Variants in ATP6V1A observed in about 807,000 individuals in gnomAD.
ATP6V1A encodes the protein V-type proton ATPase catalytic subunit A.
In ATP6V1A, 18 loss-of-function variants were observed where a neutral mutation model predicts 70.1. The observed-to-expected ratio is 0.26, with a 90% CI of 0.18 to 0.38. The LOEUF is 0.38. ATP6V1A is among the 10% of genes least tolerant of loss of function. The probability of loss-of-function intolerance (pLI) is 1.00; values close to 1 mark genes in which losing one functional copy is unlikely to be tolerated. For synonymous variants in ATP6V1A, 232 were observed against 253.8 expected, an observed-to-expected ratio of 0.91 and a Z score of 0.82; for missense variants, 424 against 772.4, an observed-to-expected ratio of 0.55 and a Z score of 5.35.
intron 1 of ATP6V1A, among the ~76,000 whole-genome samples, chr3:113,758,639 G>A (rs1184181362): frequency 1.3e-5 from 2 of 152,168 alleles, no homozygotes; most frequent in African/African-American, 4.8e-5. Context: ...AAGGTCCTAT[G>A]AACATTCATG....
rs1045058018 is a variant in ATP6V1A at position 113,772,623 on chromosome 3, G to C, written c.-13-6118G>C. Among the ~76,000 whole-genome samples the C allele has an allele frequency of 4.6e-5, 7 of 151,856 alleles. No homozygotes were observed. The South Asian group carries it at 1.2e-3, about 27-fold the overall frequency. Reference sequence around the variant, plus strand: ...GGCACCTATAGTACCAGCTACTCGGGAGGCTGAGGCTGGAGAATGGCGTGA... The same window carrying C: ...GGCACCTATAGTACCAGCTACTCGGCAGGCTGAGGCTGGAGAATGGCGTGA... On this transcript the variant is annotated intron_variant, in intron 1 of 14. Coordinates refer to ENST00000273398, the MANE Select transcript of ATP6V1A (RefSeq NM_001690.4).
chr3:113,789,980 T>C, intron 8 of ATP6V1A, 140 bp downstream of exon 8: 1 of 620,992 alleles, frequency 1.6e-6, no homozygotes, highest in Non-Finnish European at 2.7e-6. Context: ...TTAAAAAATA[T>C]TTTACTTGGC....
In ATP6V1A at chr3:113,767,249, GC is replaced by G. The variant is rs559806561; in HGVS notation, c.-13-11489del. Among the ~76,000 whole-genome samples the G allele has an allele frequency of 6.6e-5, 10 of 152,026 alleles. No homozygotes were observed. The South Asian group carries it at 2.1e-3, about 32-fold the overall frequency. ...TGGGATTACAGGCACACGCCGCCATGCCCGGCTAATTTTGGTATTTTTAGTA... is the reference window on the plus strand; with the variant it reads ...TGGGATTACAGGCACACGCCGCCATGCCGGCTAATTTTGGTATTTTTAGTA... On this transcript the variant is annotated intron_variant, in intron 1 of 14. Coordinates refer to ENST00000273398, the MANE Select transcript of ATP6V1A (RefSeq NM_001690.4).
intron 1 of ATP6V1A, among the ~76,000 whole-genome samples, chr3:113,750,265 G>A (rs563446670): frequency 6.6e-4 from 101 of 152,248 alleles, no homozygotes; most frequent in African/African-American, 2.3e-3. Flanking sequence ...AGATCACAAC[G>A]TCAGGAGATC....
At chr3:113,807,100 C>T (rs1468829865) in intron 14 of ATP6V1A, among the ~76,000 whole-genome samples, 1 of 151,800 alleles carries the variant, frequency 6.6e-6, no homozygotes, top group Non-Finnish European at 1.5e-5. Flanking sequence ...GTCATTTCAC[C>T]TTGAGATAAA....
At chr3:113,795,330 G>T in intron 10 of ATP6V1A, 126 bp downstream of exon 10, 1 of 1,031,166 alleles carries the variant, frequency 9.7e-7, no homozygotes. Flanking sequence ...TTCTTAAGGA[G>T]GGTTGCACTC....
intron 1 of ATP6V1A, among the ~76,000 whole-genome samples, chr3:113,775,771 T>TG (rs1708904915): frequency 6.6e-6 from 1 of 152,186 alleles, no homozygotes; most frequent in Admixed American, 6.5e-5. Context: ...TACCCATATG[T>TG]GGGGAGGAAC....
Position 113,784,275 on chromosome 3 carries a change from T to G in ATP6V1A, c.263T>G (p.Val88Gly). The G allele has an allele frequency of 6.2e-7, 1 of 1,614,202 alleles. No individual in the cohort carries two copies. Among genetic ancestry groups the G allele is most frequent in the South Asian group, 1.1e-5 (1 of 91,090 alleles). Residue 88 changes from valine to glycine, a missense_variant, in exon 4 of 15, where the codon GTA becomes GGA. Val to Gly is a moderately radical substitution (Grantham distance 109, BLOSUM62 -3). Coordinates refer to ENST00000273398, the MANE Select transcript of ATP6V1A (RefSeq NM_001690.4). ...CTTCGCACTGGTAAACCCCTCTCTGTAGAGCTTGGTCCTGGCATTATGGGA... is the reference window on the plus strand; with the variant it reads ...CTTCGCACTGGTAAACCCCTCTCTGGAGAGCTTGGTCCTGGCATTATGGGA... ...PVLRTGKPLS[V>G]ELGPGIMGAI...
intron 14 of ATP6V1A, among the ~76,000 whole-genome samples, chr3:113,806,988 T>C (rs542520230): frequency 2.6e-5 from 4 of 151,962 alleles, no homozygotes; most frequent in Non-Finnish European, 5.9e-5. Flanking sequence ...AAATTATATA[T>C]ATATTTTGTG....
intron 1 of ATP6V1A, among the ~76,000 whole-genome samples, chr3:113,748,177 A>G (rs1368064184): frequency 6.6e-6 from 1 of 152,192 alleles, no homozygotes; most frequent in Non-Finnish European, 1.5e-5. Context: ...TTTGATGAAT[A>G]GTATTTTGTG....
intron 1 of ATP6V1A, among the ~76,000 whole-genome samples, chr3:113,757,507 G>A (rs1464176454): frequency 1.3e-5 from 2 of 152,224 alleles, no homozygotes; most frequent in Non-Finnish European, 2.9e-5. Context: ...TGGCACGAAA[G>A]TGTGTTCAAG....
At chr3:113,768,607 T>TC (rs1308609273) in intron 1 of ATP6V1A, among the ~76,000 whole-genome samples, 1 of 149,458 alleles carries the variant, frequency 6.7e-6, no homozygotes, top group Non-Finnish European at 1.5e-5. Context: ...TTTTTTTTTT[T>TC]TTTTTTGAGA....
intron 1 of ATP6V1A, among the ~76,000 whole-genome samples, chr3:113,748,159 C>T (rs1301529526): frequency 2.6e-5 from 4 of 152,146 alleles, no homozygotes; most frequent in Non-Finnish European, 5.9e-5. Context: ...CCGGTGCCCT[C>T]TTCAGATTTT....
chr3:113,757,649 G>C (rs1176342300), intron 1 of ATP6V1A, among the ~76,000 whole-genome samples: 1 of 152,190 alleles, frequency 6.6e-6, no homozygotes, highest in Non-Finnish European at 1.5e-5. Flanking sequence ...GAGCTATTAA[G>C]TGACTGTGGA....
intron 8 of ATP6V1A, among the ~76,000 whole-genome samples, chr3:113,790,302 CA>C (rs773821991): frequency 0.025 from 624 of 24,496 alleles, 14 homozygotes; most frequent in African/African-American, 0.068. Context: ...GACTCTGTCT[CA>C]AAAAAAAAAA....
In ATP6V1A at chr3:113,786,228, A is replaced by G. The variant is rs1360931014; in HGVS notation, c.565-4A>G. On this transcript the variant is annotated splice_polypyrimidine_tract_variant and splice_region_variant and intron_variant, in intron 5 of 14. Transcript: ENST00000273398. Reference sequence around the variant, plus strand: ...CATACTAAAATCCTACTGTATTTCTATAGGATGTTGTCTTGGAGCTTGAAT... The same window carrying G: ...CATACTAAAATCCTACTGTATTTCTGTAGGATGTTGTCTTGGAGCTTGAAT... 4.4e-6 allele frequency: 7 copies of G among 1,601,798 alleles called. No homozygotes were observed. The highest frequency in any genetic ancestry group is 1.7e-5 in the Admixed American group (1 of 58,778).
intron 1 of ATP6V1A, among the ~76,000 whole-genome samples, chr3:113,772,245 C>T (rs1577085347): frequency 6.6e-6 from 1 of 152,110 alleles, no homozygotes; most frequent in Admixed American, 6.5e-5. Context: ...CTGAGGCTGA[C>T]CTTGAAGGGT....
intron 13 of ATP6V1A, among the ~76,000 whole-genome samples, chr3:113,804,814 G>C (rs1479142506): frequency 6.6e-6 from 1 of 152,186 alleles, no homozygotes; most frequent in Non-Finnish European, 1.5e-5. Context: ...GACTGAAGTT[G>C]AATATTTGTT....
rs1196738497 is a variant in ATP6V1A at position 113,786,256 on chromosome 3, G to C, written c.589G>C (p.Glu197Gln). 2.5e-6 allele frequency: 4 copies of C among 1,607,982 alleles called. No homozygotes were observed. In the Admixed American group the frequency reaches 5.0e-5, roughly 20 times the overall value. ...GGATGTTGTCTTGGAGCTTGAATTT[G>C]AAGGTGTAAAGGAGAAGTTCACCAT... is the stretch of plus-strand genomic sequence containing the variant. ...TSDVVLELEFEGVKEKFTMVQ... is the reference protein window; with the variant it reads ...TSDVVLELEFQGVKEKFTMVQ... The change falls in exon 6 of 15, where the codon GAA becomes CAA. Residue 197 changes from glutamate to glutamine, a missense_variant. By Grantham distance (29) the Glu-to-Gln change is conservative (BLOSUM62 2). This residue lies in a region of ATP6V1A where 139 missense variants were observed against 163.5 expected (regional missense o/e 0.85). Transcript: ENST00000273398.
Sources: allele counts gnomAD v4.1 joint callset (sites outside exome capture counted in the v4.1 genomes callset), GRCh38; gene constraint gnomAD v4.1.1; regional missense constraint gnomAD v4.1.1; transcripts MANE v1.5; gene names NCBI Gene and HGNC (gene_info 2026-07-23, HGNC 2026-07-21).